Variants in NTM observed in about 807,000 individuals in gnomAD.
NTM encodes neurotrimin.
NTM carries 13 observed loss-of-function variants against 42.1 expected under a neutral mutation model. The ratio of observed to expected loss-of-function variants is 0.31; its 90% CI spans 0.20 to 0.49. The LOEUF is 0.49. Ranked by LOEUF, NTM falls within the 20% of genes least tolerant of loss-of-function variation. NTM has a pLI of 0.99. For synonymous variants in NTM, 187 were observed against 179.2 expected (o/e 1.04, Z -0.35); for missense variants, 373 against 452.8 (o/e 0.82, Z 1.60).
At chr11:131,479,239 C>A (rs1024023799) in intron 1 of NTM, among the ~76,000 whole-genome samples, 4 of 152,128 alleles carry the variant, frequency 2.6e-5, no homozygotes, top group African/African-American at 7.2e-5. Flanking sequence ...GTACAACAGG[C>A]AATTATAATA....
intron 2 of NTM, among the ~76,000 whole-genome samples, chr11:132,050,276 T>C (rs2135909250): frequency 6.6e-6 from 1 of 152,228 alleles, no homozygotes; most frequent in South Asian, 2.1e-4. Flanking sequence ...GTTAGAGAAA[T>C]TCACAGCCAG....
At chr11:131,380,047 C>T (rs987625848) in intron 1 of NTM, among the ~76,000 whole-genome samples, 2 of 152,110 alleles carry the variant, frequency 1.3e-5, no homozygotes, top group African/African-American at 4.8e-5. Flanking sequence ...TGAGGCACTC[C>T]CTGCTCCATG....
At chr11:131,418,918 C>G (rs539897447) in intron 1 of NTM, among the ~76,000 whole-genome samples, 169 of 152,296 alleles carry the variant, frequency 1.1e-3, no homozygotes, top group Non-Finnish European at 1.6e-3. Context: ...CTCATGAACA[C>G]TTCACCTATT....
chr11:132,012,036 A>G (rs1218884407), intron 2 of NTM, among the ~76,000 whole-genome samples: 19 of 152,192 alleles, frequency 1.2e-4, no homozygotes, highest in Non-Finnish European at 2.8e-4. Flanking sequence ...TATGTACCAC[A>G]TCTTCCTTTC....
intron 1 of NTM, among the ~76,000 whole-genome samples, chr11:131,843,094 T>G (rs1385935481): frequency 2.0e-5 from 3 of 152,158 alleles, no homozygotes; most frequent in Non-Finnish European, 4.4e-5. Flanking sequence ...GAAAATATGA[T>G]GAATAATAAA....
At chr11:132,299,788 A>G (rs980759286) in intron 4 of NTM, among the ~76,000 whole-genome samples, 8 of 152,180 alleles carry the variant, frequency 5.3e-5, no homozygotes, top group Non-Finnish European at 8.8e-5. Flanking sequence ...AACTTTTCCT[A>G]TGAAACATCT....
chr11:131,418,345 A>G (rs1008899362), intron 1 of NTM, among the ~76,000 whole-genome samples: 6 of 152,252 alleles, frequency 3.9e-5, no homozygotes, highest in Non-Finnish European at 5.9e-5. Flanking sequence ...CCACAGCTTT[A>G]TCGGCATGTC....
chr11:131,842,731 G>T (rs1175676835), intron 1 of NTM, among the ~76,000 whole-genome samples: 2 of 148,060 alleles, frequency 1.4e-5, no homozygotes, highest in African/African-American at 5.1e-5. Context: ...TAATATGAGG[G>T]CAAGCAAAGT....
chr11:131,647,208 G>A (rs1388628099), intron 1 of NTM, among the ~76,000 whole-genome samples: 4 of 152,210 alleles, frequency 2.6e-5, no homozygotes, highest in Middle Eastern at 3.2e-3. Context: ...GGCAAGTCCT[G>A]GAGACTCAGA....
chr11:131,735,883 A>C (rs1376775127), intron 1 of NTM, among the ~76,000 whole-genome samples: 1 of 147,624 alleles, frequency 6.8e-6, no homozygotes, highest in Non-Finnish European at 1.5e-5. Flanking sequence ...TGTATAAAAA[A>C]ATATATGGAG....
At chr11:131,660,755 T>C (rs1309623600) in intron 1 of NTM, 2 of 729,186 alleles carry the variant, frequency 2.7e-6, no homozygotes, top group African/African-American at 3.7e-5. Flanking sequence ...GAAGGGAGAC[T>C]GGGCCCTGGG....
intron 1 of NTM, among the ~76,000 whole-genome samples, chr11:131,901,459 A>G (rs2053147855): frequency 6.6e-6 from 1 of 152,220 alleles, no homozygotes; most frequent in African/African-American, 2.4e-5. Flanking sequence ...TTAATTACTT[A>G]AGGGAACCTA....
At position 131,540,599 on chromosome 11, in the gene NTM, T is replaced by TA. The variant is rs1361939426; in HGVS notation, c.82+169717dup. The stretch of plus-strand genomic sequence containing the variant: ...GTAGGTCAATTGGCATGGCTGAATA[T>TA]AAAAAAGATCTTCTCCGTCCAGATG... On this transcript the variant is annotated intron_variant, in intron 1 of 8. Coordinates refer to ENST00000683400, the MANE Select transcript of NTM (RefSeq NM_001352005.2). The TA allele has an allele frequency of 5.9e-5, 9 of 152,322 alleles. No individual in the cohort carries two copies. The East Asian group carries it at 1.7e-3, about 29-fold the overall frequency. 9.4% of individuals were successfully genotyped at this position (152,322 alleles called of 1,614,324 possible). A position where few individuals can be genotyped will look rare whatever the true frequency, so the allele number is the denominator to read the frequency against.
In NTM at chr11:132,004,238, C is replaced by G. The variant is rs75743325; in HGVS notation, c.167+92590C>G. ...CCACAACACTTTTCTAGGCTATTCT[C>G]AATAAGAAAATGTGAATTATATATA... is the stretch of plus-strand genomic sequence containing the variant. On this transcript the variant is annotated intron_variant, in intron 2 of 8. Transcript: ENST00000683400. Among the ~76,000 whole-genome samples the G allele has an allele frequency of 1.2e-4, 19 of 152,220 alleles. No individual in the cohort carries two copies. In the East Asian group the frequency reaches 3.7e-3, roughly 29 times the overall value.
rs113175759 is a variant in NTM at position 132,110,039 on chromosome 11, C to A, written c.168-36243C>A. ...ATGGACTTCCTTAAAGACATAACAA[C>A]CTTTCACTTGGGCTCAACTCTAGCC... On this transcript the variant is annotated intron_variant, in intron 2 of 8. Coordinates refer to ENST00000683400, the MANE Select transcript of NTM (RefSeq NM_001352005.2). Among the ~76,000 whole-genome samples the A allele has an allele frequency of 1.4e-4, 21 of 152,320 alleles. 1 individual carries two copies. Among genetic ancestry groups the A allele is most frequent in the African/African-American group, 4.6e-4 (19 of 41,574 alleles).
intron 3 of NTM, among the ~76,000 whole-genome samples, chr11:132,163,259 C>A (rs1328214984): frequency 2.0e-5 from 3 of 152,182 alleles, no homozygotes; most frequent in Non-Finnish European, 4.4e-5. Context: ...CTCTTCTGCT[C>A]CAGGCTGGGG....
At chr11:132,281,206 G>A (rs906545169) in intron 4 of NTM, among the ~76,000 whole-genome samples, 7 of 152,282 alleles carry the variant, frequency 4.6e-5, no homozygotes, top group African/African-American at 9.6e-5. Flanking sequence ...GCATGGCTGC[G>A]TTTTGATTAG....
intron 1 of NTM, among the ~76,000 whole-genome samples, chr11:131,432,088 C>G (rs1591646796): frequency 6.6e-6 from 1 of 152,180 alleles, no homozygotes; most frequent in African/African-American, 2.4e-5. Context: ...CTCTGCATTT[C>G]CAAGACCTCA....
At chr11:132,174,245 A>C (rs1182270276) in intron 3 of NTM, among the ~76,000 whole-genome samples, 2 of 152,194 alleles carry the variant, frequency 1.3e-5, no homozygotes, top group Non-Finnish European at 2.9e-5. Flanking sequence ...CAGGACACTT[A>C]AGTTTTCTGG....
Sources: allele counts gnomAD v4.1 joint callset (sites outside exome capture counted in the v4.1 genomes callset), GRCh38; gene constraint gnomAD v4.1.1; transcripts MANE v1.5; gene names NCBI Gene and HGNC (gene_info 2026-07-23, HGNC 2026-07-21).